Variants in NEK11 observed in about 807,000 individuals in gnomAD.
NEK11 encodes the protein serine/threonine-protein kinase Nek11.
Under a neutral mutation model 80.7 loss-of-function variants are expected in NEK11, and 72 were observed. The observed-to-expected ratio is 0.89, with a 90% CI of 0.74 to 1.08. The LOEUF is 1.08. Among genes scored for constraint, NEK11 ranks in the 50% least tolerant of loss-of-function variants. The probability of loss-of-function intolerance (pLI) is 0.00; values close to 1 mark genes in which losing one functional copy is unlikely to be tolerated. For missense variants in NEK11, 764 were observed against 763.6 expected (o/e 1.00, Z -0.01); for synonymous variants, 251 against 260.7 (o/e 0.96, Z 0.36).
chr3:131,030,582 C>A (rs1344448890), intron 3 of NEK11, among the ~76,000 whole-genome samples: 1 of 152,124 alleles, frequency 6.6e-6, no homozygotes, highest in Non-Finnish European at 1.5e-5. Flanking sequence ...ATAGGGTATA[C>A]CAAAGAAAGT....
chr3:131,224,297 G>A (rs1276730401), intron 14 of NEK11, among the ~76,000 whole-genome samples: 2 of 151,672 alleles, frequency 1.3e-5, no homozygotes, highest in Non-Finnish European at 2.9e-5. Flanking sequence ...GCACGATCTC[G>A]GCTCACTGCA....
chr3:131,342,735 G>A (rs1365024157), intron 17 of NEK11, among the ~76,000 whole-genome samples: 1 of 147,062 alleles, frequency 6.8e-6, no homozygotes, highest in Admixed American at 6.6e-5. Flanking sequence ...GATAAGAGGT[G>A]TGTGTGTGTG....
At chr3:131,118,760 A>G (rs2081783752) in intron 5 of NEK11, among the ~76,000 whole-genome samples, 1 of 152,164 alleles carries the variant, frequency 6.6e-6, no homozygotes, top group African/African-American at 2.4e-5. Context: ...TTATTTGAGT[A>G]GAGGTGTTTA....
At chr3:131,280,941 G>T (rs1227596301) in intron 17 of NEK11, among the ~76,000 whole-genome samples, 1 of 152,316 alleles carries the variant, frequency 6.6e-6, no homozygotes, top group Middle Eastern at 3.4e-3. Flanking sequence ...AGGTTTACCA[G>T]TTTGGCAAGT....
intron 7 of NEK11, among the ~76,000 whole-genome samples, chr3:131,149,612 G>A (rs2089224282): frequency 6.6e-6 from 1 of 152,018 alleles, no homozygotes; most frequent in Non-Finnish European, 1.5e-5. Context: ...GTCGTAAGTT[G>A]TGTTCTTAAA....
At chr3:131,135,554 C>A (rs1009574464) in intron 7 of NEK11, among the ~76,000 whole-genome samples, 1 of 152,146 alleles carries the variant, frequency 6.6e-6, no homozygotes, top group Non-Finnish European at 1.5e-5. Context: ...TCCTACCTAT[C>A]AAGAGAAATC....
At chr3:131,162,310 G>T in intron 10 of NEK11, 98 bp from the exon 11 acceptor site, 1 of 1,433,856 alleles carries the variant, frequency 7.0e-7, no homozygotes, top group Non-Finnish European at 9.4e-7. Context: ...AGATGCTTTT[G>T]CTCTCAGTAG....
rs1387726498 is a variant in NEK11, at chr3:131,291,739, A to G, written c.1718+18165A>G. Among the ~76,000 whole-genome samples, 3 of 152,052 alleles carry G rather than the reference A, an allele frequency of 2.0e-5. No homozygotes were observed. In the East Asian group the frequency reaches 5.8e-4, roughly 29 times the overall value. On this transcript the variant is annotated intron_variant, in intron 17 of 17. Transcript: ENST00000383366. ...CTTTTCATATGCTTACTTGCCATCT[A>G]TATATTTTCTTTGGTGAGGTACCTG...
chr3:131,039,619 A>C (rs2066156376), intron 3 of NEK11, among the ~76,000 whole-genome samples: 2 of 152,278 alleles, frequency 1.3e-5, no homozygotes, highest in South Asian at 4.2e-4. Context: ...AATATAGGCA[A>C]TTTTGGCCAG....
chr3:131,073,336 C>T (rs1306050199), intron 3 of NEK11, among the ~76,000 whole-genome samples: 1 of 152,122 alleles, frequency 6.6e-6, no homozygotes, highest in African/African-American at 2.4e-5. Context: ...AACTAAAAGG[C>T]AATTTGCAAT....
chr3:131,086,729 TC>T (rs999118446), intron 4 of NEK11, among the ~76,000 whole-genome samples: 20 of 152,206 alleles, frequency 1.3e-4, no homozygotes, highest in African/African-American at 4.8e-4. Context: ...GGATAGATGC[TC>T]CTTTTCTTGG....
intron 4 of NEK11, among the ~76,000 whole-genome samples, chr3:131,108,896 T>C (rs1221852986): frequency 6.6e-6 from 1 of 152,078 alleles, no homozygotes; most frequent in Non-Finnish European, 1.5e-5. Flanking sequence ...GAAGCTATAC[T>C]ACAGCAGCTA....
chr3:131,283,379 A>G (rs959936828), intron 17 of NEK11, among the ~76,000 whole-genome samples: 1 of 152,170 alleles, frequency 6.6e-6, no homozygotes, highest in Admixed American at 6.5e-5. Flanking sequence ...GTTAAGTTAA[A>G]CACCCAAGAC....
intron 3 of NEK11, among the ~76,000 whole-genome samples, chr3:131,061,186 T>A (rs528577012): frequency 6.6e-6 from 1 of 152,314 alleles, no homozygotes; most frequent in African/African-American, 2.4e-5. Context: ...AGCATTGCCT[T>A]AACTAAAGAT....
intron 4 of NEK11, among the ~76,000 whole-genome samples, chr3:131,099,171 A>C (rs1367313124): frequency 6.6e-6 from 1 of 152,228 alleles, no homozygotes; most frequent in East Asian, 1.9e-4. Flanking sequence ...GTAAGGGTCC[A>C]GTTTCAGTCT....
chr3:131,288,994 A>G (rs2096512766), intron 17 of NEK11, among the ~76,000 whole-genome samples: 1 of 152,224 alleles, frequency 6.6e-6, no homozygotes, highest in South Asian at 2.1e-4. Context: ...ACTCATCAGA[A>G]CTCATCAGAA....
chr3:131,178,727 T>C (rs1272031017), intron 14 of NEK11, among the ~76,000 whole-genome samples: 1 of 152,242 alleles, frequency 6.6e-6, no homozygotes, highest in Non-Finnish European at 1.5e-5. Context: ...TAGTATAGTA[T>C]AGTAAATATG....
intron 12 of NEK11, among the ~76,000 whole-genome samples, chr3:131,166,484 G>GA (rs2092247732): frequency 6.6e-6 from 1 of 152,212 alleles, no homozygotes; most frequent in Non-Finnish European, 1.5e-5. Context: ...CAATTATTTA[G>GA]GGGTTCTGTG....
intron 16 of NEK11, among the ~76,000 whole-genome samples, chr3:131,248,230 G>A (rs147219819): frequency 9.1e-4 from 138 of 152,104 alleles, no homozygotes; most frequent in African/African-American, 3.2e-3. Context: ...CTGTAGATGT[G>A]TCATATATGG....
Sources: allele counts gnomAD v4.1 joint callset (sites outside exome capture counted in the v4.1 genomes callset), GRCh38; gene constraint gnomAD v4.1.1; transcripts MANE v1.5; gene names NCBI Gene and HGNC (gene_info 2026-07-23, HGNC 2026-07-21).